DNALI1: variants seen among roughly 807,000 people sequenced by gnomAD.
DNALI1 encodes axonemal dynein light intermediate polypeptide 1.
A neutral mutation model predicts 33.9 loss-of-function variants in DNALI1; 31 were observed. The observed-to-expected ratio is 0.91, with a 90% CI of 0.69 to 1.23. The LOEUF is 1.23. Among genes scored for constraint, DNALI1 ranks in the 50% most tolerant of loss-of-function variants. The probability of loss-of-function intolerance (pLI) is 0.00; values close to 1 mark genes in which losing one functional copy is unlikely to be tolerated. For missense variants in DNALI1, 305 were observed against 323.8 expected, an observed-to-expected ratio of 0.94 and a Z score of 0.44; for synonymous variants, 117 against 129.2, an observed-to-expected ratio of 0.91 and a Z score of 0.64.
rs1570040652 is a variant in DNALI1, at chr1:37,562,776, G to A, written c.741+531G>A. ...CAGGTGCTCTTCCTCGAAGTCCGAT[G>A]CCAGCAGTGGTCTTTTATCCAGCTG... On this transcript the variant is annotated intron_variant, in intron 5 of 5. Transcript: ENST00000652629. This position sits in a 1 kb window ranked among gnomAD's most constrained non-coding sequence, Gnocchi z 5.8. 6.6e-6 allele frequency among the ~76,000 whole-genome samples: 1 copy of A among 152,148 alleles called. No individual in the cohort carries two copies. The highest frequency in any genetic ancestry group is 1.9e-4 in the East Asian group (1 of 5,170).
intron 2 of DNALI1, chr1:37,557,949 T>G: frequency 1.6e-6 from 1 of 644,176 alleles, no homozygotes; most frequent in Non-Finnish European, 2.6e-6. Context: ...TCCTGCATGC[T>G]GTCACCCAAT....
At position 37,566,775 on chromosome 1, in the gene DNALI1, T is replaced by C; in HGVS notation, c.*1714T>C. On this transcript the variant is annotated 3_prime_UTR_variant, in exon 6 of 6. Transcript: ENST00000652629. ...CCTCAGAACAAATGCATTAGGGCCT[T>C]AGAAATGTCAATGGGGCAGGAAGAA... The C allele has an allele frequency of 7.4e-7, 1 of 1,346,672 alleles. No individual in the cohort carries two copies. Among genetic ancestry groups the C allele is most frequent in the South Asian group, 1.2e-5 (1 of 81,000 alleles). The allele number at this position is 1,346,672 out of a possible 1,614,324, so 83.4% of individuals were successfully genotyped here.
Position 37,562,075 on chromosome 1 carries a change from C to A in DNALI1, c.577-6C>A. The A allele has an allele frequency of 2.5e-6, 4 of 1,613,866 alleles. No homozygotes were observed. The highest frequency in any genetic ancestry group is 2.5e-6 in the Non-Finnish European group (3 of 1,179,926). On this transcript the variant is annotated splice_polypyrimidine_tract_variant and splice_region_variant and intron_variant, in intron 4 of 5. Transcript: ENST00000652629. The surrounding 1 kb of genome is among the most constrained non-coding windows in gnomAD (Gnocchi z 5.8). ...ATCCCAGGATGACTGGGCATTCTCT[C>A]CTCAGATCGCAGAATTGGAGACGGA...
Position 37,557,744 on chromosome 1 carries a change from C to G in DNALI1, c.223C>G (p.Pro75Ala), listed in dbSNP as rs570351290. 26 of 1,613,576 alleles carry G rather than the reference C, an allele frequency of 1.6e-5. No individual in the cohort carries two copies. The Admixed American group carries it at 2.0e-4, about 12-fold the overall frequency. ...AGAAATCTTGAATGCCATACTACCC[C>G]CAAGGTAAGAAAGTAGGAGCAGTGG... ...AEEILNAILP[P>A]REWVEDTQLW... Residue 75 changes from proline to alanine, a missense_variant, in exon 2 of 6, where the codon CCA becomes GCA. Physicochemically the swap from Pro to Ala is conservative, Grantham distance 27 (BLOSUM62 -1). Transcript: ENST00000652629.
rs1339522652 is a variant in DNALI1 at position 37,556,976 on chromosome 1, T to G, written c.-19T>G. The G allele has an allele frequency of 2.5e-6, 4 of 1,614,112 alleles. No homozygotes were observed. The highest frequency in any genetic ancestry group is 3.3e-5 in the Admixed American group (2 of 60,012). On this transcript the variant is annotated 5_prime_UTR_variant, in exon 1 of 6. Coordinates refer to ENST00000652629, the MANE Select transcript of DNALI1 (RefSeq NM_003462.5). ...ACACTGGACAGGGCAGCTGCTGGGT[T>G]GCTACTCTCGCCTCCGCCATGATTC...
At position 37,557,757 on chromosome 1, in the gene DNALI1, G is replaced by A; in HGVS notation, c.227+9G>A. The A allele has an allele frequency of 6.2e-7, 1 of 1,613,550 alleles. No individual in the cohort carries two copies. The highest frequency in any genetic ancestry group is 8.5e-7 in the Non-Finnish European group (1 of 1,179,748). On this transcript the variant is annotated intron_variant, in intron 2 of 5. Transcript: ENST00000652629. ...GCCATACTACCCCCAAGGTAAGAAA[G>A]TAGGAGCAGTGGCTGGGAGAAGGCC... is the stretch of plus-strand genomic sequence containing the variant.
chr1:37,557,884 A>G (rs1643392074), intron 2 of DNALI1, 136 bp downstream of exon 2: 3 of 1,226,186 alleles, frequency 2.4e-6, no homozygotes, highest in East Asian at 4.9e-5. Context: ...TAGAACTTAC[A>G]TATGGCTGGA....
At position 37,561,513 on chromosome 1, in the gene DNALI1, C is replaced by A; in HGVS notation, c.398-44C>A. 6.3e-7 allele frequency: 1 copy of A among 1,596,192 alleles called. No homozygotes were observed. Among genetic ancestry groups the A allele is most frequent in the Non-Finnish European group, 8.6e-7 (1 of 1,168,388 alleles). ...TTGCAGTAGACATACTGCAAGCCCC[C>A]TCCCCACGCCCTGTCTGATCTCATG... On this transcript the variant is annotated intron_variant, in intron 3 of 5. Coordinates refer to ENST00000652629, the MANE Select transcript of DNALI1 (RefSeq NM_003462.5). This position sits in a 1 kb window ranked among gnomAD's most constrained non-coding sequence, Gnocchi z 4.6.
chr1:37,565,165 G>T lies in DNALI1; in HGVS notation c.*104G>T. On this transcript the variant is annotated 3_prime_UTR_variant, in exon 6 of 6. Transcript: ENST00000652629. ...ATAAGCCCTTTGTAATAAAAAGCTAGTTTCCTGAGTGAACAAGCCATAACC... is the reference window on the plus strand; with the variant it reads ...ATAAGCCCTTTGTAATAAAAAGCTATTTTCCTGAGTGAACAAGCCATAACC... The T allele has an allele frequency of 2.2e-5, 30 of 1,342,118 alleles. No homozygotes were observed. The highest frequency in any genetic ancestry group is 1.2e-4 in the East Asian group (5 of 41,514). 83.1% of individuals were successfully genotyped at this position (1,342,118 alleles called of 1,614,324 possible). A position where few individuals can be genotyped will look rare whatever the true frequency, so the allele number is the denominator to read the frequency against.
rs949970102 is a variant in DNALI1 at position 37,566,698 on chromosome 1, G to T, written c.*1637G>T. On this transcript the variant is annotated 3_prime_UTR_variant, in exon 6 of 6. Coordinates refer to ENST00000652629, the MANE Select transcript of DNALI1 (RefSeq NM_003462.5). Reference sequence around the variant, plus strand: ...AGACTCTTATCACTGAAATCCTTAAGGTTGAGGAGGCTTTATTTCCCTAGC... The same window carrying T: ...AGACTCTTATCACTGAAATCCTTAATGTTGAGGAGGCTTTATTTCCCTAGC... 1 of 669,920 alleles carries T rather than the reference G, an allele frequency of 1.5e-6. No individual in the cohort carries two copies. The highest frequency in any genetic ancestry group is 2.5e-6 in the Non-Finnish European group (1 of 392,186). The allele number at this position is 669,920 out of a possible 1,614,324, so 41.5% of individuals were successfully genotyped here.
chr1:37,557,773 G>C, intron 2 of DNALI1, 25 bp downstream of exon 2: 1 of 1,613,078 alleles, frequency 6.2e-7, no homozygotes, highest in Non-Finnish European at 8.5e-7. Context: ...GCAGTGGCTG[G>C]GAGAAGGCCT....
In DNALI1 at chr1:37,561,760, T is replaced by C. The variant is rs368021115; in HGVS notation, c.576+25T>C. 1.6e-4 allele frequency: 260 copies of C among 1,604,514 alleles called. No homozygotes were observed. The highest frequency in any genetic ancestry group is 2.1e-4 in the Non-Finnish European group (252 of 1,173,316). On this transcript the variant is annotated intron_variant, in intron 4 of 5. Coordinates refer to ENST00000652629, the MANE Select transcript of DNALI1 (RefSeq NM_003462.5). The surrounding 1 kb of genome is among the most constrained non-coding windows in gnomAD (Gnocchi z 4.6). ...AGTGAGTGGGGTTTACCGTGACCCT[T>C]GGTCCCATCTCTTCTGTAAACCTCA... is the stretch of plus-strand genomic sequence containing the variant.
chr1:37,561,969 TG>T lies in DNALI1; in HGVS notation c.577-109del. The T allele has an allele frequency of 6.6e-7, 1 of 1,508,968 alleles. No homozygotes were observed. The allele number at this position is 1,508,968 out of a possible 1,614,324, so 93.5% of individuals were successfully genotyped here. ...TCCATGCCAGGCACTGACCTCCCAC[TG>T]GGTGGCAGTATATACCCTGGCAATG... On this transcript the variant is annotated intron_variant, in intron 4 of 5. Coordinates refer to ENST00000652629, the MANE Select transcript of DNALI1 (RefSeq NM_003462.5). This position sits in a 1 kb window ranked among gnomAD's most constrained non-coding sequence, Gnocchi z 4.6.
intron 5 of DNALI1, among the ~76,000 whole-genome samples, chr1:37,563,900 T>C (rs1300908600): frequency 6.6e-6 from 1 of 152,108 alleles, no homozygotes; most frequent in Non-Finnish European, 1.5e-5. Flanking sequence ...CAGAGGAACA[T>C]AGTAAATAAC....
At position 37,561,518 on chromosome 1, in the gene DNALI1, C is replaced by G; in HGVS notation, c.398-39C>G. 3 of 1,601,918 alleles carry G rather than the reference C, an allele frequency of 1.9e-6. No homozygotes were observed. The South Asian group carries it at 3.3e-5, about 18-fold the overall frequency. ...GTAGACATACTGCAAGCCCCCTCCC[C>G]ACGCCCTGTCTGATCTCATGGTGTG... On this transcript the variant is annotated intron_variant, in intron 3 of 5. Coordinates refer to ENST00000652629, the MANE Select transcript of DNALI1 (RefSeq NM_003462.5). This position sits in a 1 kb window ranked among gnomAD's most constrained non-coding sequence, Gnocchi z 4.6.
rs943729646 is a variant in DNALI1, at chr1:37,559,827, GTC to G, written c.397+335_397+336del. ...ATACGGAGGACCCGCACCGGCACTGGTCTCTGAGTTTCCTCAGTATTTATTGA... is the reference window on the plus strand; with the variant it reads ...ATACGGAGGACCCGCACCGGCACTGGTCTGAGTTTCCTCAGTATTTATTGA... On this transcript the variant is annotated intron_variant, in intron 3 of 5. Coordinates refer to ENST00000652629, the MANE Select transcript of DNALI1 (RefSeq NM_003462.5). This position sits in a 1 kb window ranked among gnomAD's most constrained non-coding sequence, Gnocchi z 5.3. Among the ~76,000 whole-genome samples the G allele has an allele frequency of 1.3e-5, 2 of 152,216 alleles. No homozygotes were observed. Among genetic ancestry groups the G allele is most frequent in the Non-Finnish European group, 2.9e-5 (2 of 68,042 alleles).
chr1:37,565,170 C>T lies in DNALI1; in HGVS notation c.*109C>T. On this transcript the variant is annotated 3_prime_UTR_variant, in exon 6 of 6. Transcript: ENST00000652629. ...CCCTTTGTAATAAAAAGCTAGTTTCCTGAGTGAACAAGCCATAACCTCCCC... is the reference window on the plus strand; with the variant it reads ...CCCTTTGTAATAAAAAGCTAGTTTCTTGAGTGAACAAGCCATAACCTCCCC... 1 of 1,296,446 alleles carries T rather than the reference C, an allele frequency of 7.7e-7. No homozygotes were observed. The highest frequency in any genetic ancestry group is 1.1e-6 in the Non-Finnish European group (1 of 919,234). The allele number at this position is 1,296,446 out of a possible 1,614,324, so 80.3% of individuals were successfully genotyped here.
Position 37,557,671 on chromosome 1 carries a change from C to G in DNALI1, c.150C>G (p.Thr50=). 6.2e-7 allele frequency: 1 copy of G among 1,614,142 alleles called. No individual in the cohort carries two copies. Residue 50 remains threonine, a synonymous_variant, in exon 2 of 6, where the codon ACC becomes ACG. Coordinates refer to ENST00000652629, the MANE Select transcript of DNALI1 (RefSeq NM_003462.5). The stretch of plus-strand genomic sequence containing the variant: ...GTTCAGCCCCACAGCCACCCAAGAC[C>G]AAGCTCCCCTCAACTCCCTGTGTCC... ...PSGSAPQPPK[T]KLPSTPCVPD...
At chr1:37,558,475 A>C (rs1643399420) in intron 2 of DNALI1, among the ~76,000 whole-genome samples, 1 of 152,206 alleles carries the variant, frequency 6.6e-6, no homozygotes, top group Admixed American at 6.5e-5. Context: ...TCTCAGACTA[A>C]AATCAAAAAT....
Sources: gnomAD v4.1 joint callset for allele counts (sites outside exome capture counted in the v4.1 genomes callset) on GRCh38, gnomAD v4.1.1 for gene constraint, Gnocchi (gnomAD v3.1) non-coding constraint, MANE v1.5 for transcripts, NCBI Gene and HGNC (gene_info 2026-07-23, HGNC 2026-07-21) for gene names.